Variants in CNTN5 observed in about 807,000 individuals in gnomAD.
CNTN5 encodes the protein contactin 5, also known as contactin-5.
A neutral mutation model predicts 129.1 loss-of-function variants in CNTN5; 77 were observed. That is an observed-to-expected ratio of 0.60 (90% confidence interval 0.50 to 0.72). The LOEUF (loss-of-function observed/expected upper bound fraction) is 0.72. Among genes scored for constraint, CNTN5 ranks in the 30% least tolerant of loss-of-function variants. CNTN5 has a pLI of 0.00. For missense variants in CNTN5, 1,478 were observed against 1,328.8 expected (o/e 1.11, Z -1.75); for synonymous variants, 509 against 465.6 (o/e 1.09, Z -1.20).
intron 15 of CNTN5, among the ~76,000 whole-genome samples, chr11:100,218,139 A>C (rs1949183757): frequency 6.6e-6 from 1 of 152,200 alleles, no homozygotes; most frequent in South Asian, 2.1e-4. Flanking sequence ...TCCAAGAAAA[A>C]AGTAGAAAGA....
intron 6 of CNTN5, among the ~76,000 whole-genome samples, chr11:99,862,415 A>G (rs1346428221): frequency 2.0e-5 from 3 of 152,024 alleles, no homozygotes; most frequent in African/African-American, 4.8e-5. Flanking sequence ...ATCTTCCTAT[A>G]TAACTATAAA....
intron 3 of CNTN5, among the ~76,000 whole-genome samples, chr11:99,613,141 G>T (rs546196582): frequency 3.0e-4 from 46 of 152,274 alleles, no homozygotes; most frequent in African/African-American, 1.1e-3. Flanking sequence ...GGATGATATG[G>T]TTAGGCTTTG....
intron 13 of CNTN5, among the ~76,000 whole-genome samples, chr11:100,171,634 A>G (rs905912423): frequency 6.6e-6 from 1 of 151,996 alleles, no homozygotes; most frequent in African/African-American, 2.4e-5. Context: ...TCTACAGCAT[A>G]TTTCAGTGTA....
chr11:99,527,362 A>T (rs1183735340), intron 2 of CNTN5, among the ~76,000 whole-genome samples: 3 of 152,352 alleles, frequency 2.0e-5, no homozygotes, highest in African/African-American at 7.2e-5. Flanking sequence ...TGTGATCCCT[A>T]GGTTAAATAT....
chr11:100,032,495 A>C (rs548986704), intron 9 of CNTN5, among the ~76,000 whole-genome samples: 23 of 152,106 alleles, frequency 1.5e-4, no homozygotes, highest in African/African-American at 5.5e-4. Context: ...GAATGTAATT[A>C]GCAAAAAATA....
At chr11:99,920,005 C>T (rs755000655) in intron 7 of CNTN5, among the ~76,000 whole-genome samples, 3 of 151,828 alleles carry the variant, frequency 2.0e-5, no homozygotes, top group East Asian at 1.9e-4. Flanking sequence ...TGTATGTGCA[C>T]GTCTGTGGGT....
chr11:99,681,331 A>G (rs1289813697), intron 3 of CNTN5, among the ~76,000 whole-genome samples: 5 of 130,046 alleles, frequency 3.8e-5, no homozygotes, highest in Admixed American at 7.9e-5. Context: ...ATTCTACACT[A>G]CTAAGAATTT....
intron 13 of CNTN5, among the ~76,000 whole-genome samples, chr11:100,138,353 C>T (rs1350802375): frequency 1.3e-5 from 2 of 151,688 alleles, no homozygotes; most frequent in Admixed American, 6.6e-5. Flanking sequence ...TTCTAGGTAC[C>T]GGGAACTCAG....
chr11:99,249,101 T>C (rs1033084740), intron 1 of CNTN5, among the ~76,000 whole-genome samples: 26 of 152,184 alleles, frequency 1.7e-4, no homozygotes, highest in African/African-American at 4.8e-5. Flanking sequence ...CCCATGAGCA[T>C]GGAATGTTCT....
intron 1 of CNTN5, among the ~76,000 whole-genome samples, chr11:99,226,603 A>G (rs1860698199): frequency 6.6e-6 from 1 of 152,110 alleles, no homozygotes; most frequent in African/African-American, 2.4e-5. Context: ...ATCACAATTA[A>G]ACTCCACTAT....
intron 3 of CNTN5, among the ~76,000 whole-genome samples, chr11:99,647,642 C>A (rs1462906611): frequency 2.6e-5 from 4 of 151,922 alleles, no homozygotes. Flanking sequence ...AACATTTTAG[C>A]AATATTAATT....
At chr11:99,257,780 A>C (rs1447179653) in intron 1 of CNTN5, among the ~76,000 whole-genome samples, 3 of 152,086 alleles carry the variant, frequency 2.0e-5, no homozygotes, top group Non-Finnish European at 2.9e-5. Context: ...AAATGTAAGA[A>C]AGTGGAGAAT....
intron 2 of CNTN5, among the ~76,000 whole-genome samples, chr11:99,424,942 G>T (rs1220357505): frequency 6.6e-6 from 1 of 152,190 alleles, no homozygotes. Flanking sequence ...CTCAAAGTGG[G>T]TTGCTCCTTT....
At chr11:99,671,221 C>A (rs1477664218) in intron 3 of CNTN5, among the ~76,000 whole-genome samples, 1 of 151,736 alleles carries the variant, frequency 6.6e-6, no homozygotes, top group Non-Finnish European at 1.5e-5. Context: ...AGCTGCCTTT[C>A]CTAACAAATT....
intron 8 of CNTN5, among the ~76,000 whole-genome samples, chr11:99,958,670 C>T (rs1950863800): frequency 6.6e-6 from 1 of 152,120 alleles, no homozygotes; most frequent in African/African-American, 2.4e-5. Context: ...TAAAGAAATG[C>T]AGTTTTACAG....
At chr11:99,662,755 C>G (rs1952642240) in intron 3 of CNTN5, among the ~76,000 whole-genome samples, 1 of 152,142 alleles carries the variant, frequency 6.6e-6, no homozygotes, top group Non-Finnish European at 1.5e-5. Flanking sequence ...AGTCCCAGAG[C>G]AGCAACAGCA....
chr11:100,180,120 G>A (rs963840431), intron 13 of CNTN5, among the ~76,000 whole-genome samples: 11 of 151,924 alleles, frequency 7.2e-5, no homozygotes, highest in African/African-American at 2.7e-4. Context: ...TACAATTATA[G>A]GCAATATCTC....
At chr11:100,236,835 C>T (rs192043098) in intron 16 of CNTN5, among the ~76,000 whole-genome samples, 3 of 152,236 alleles carry the variant, frequency 2.0e-5, no homozygotes, top group Admixed American at 2.0e-4. Context: ...CTGGAATGTA[C>T]AGCCTTTTAG....
intron 9 of CNTN5, among the ~76,000 whole-genome samples, chr11:100,053,990 A>G (rs541226442): frequency 1.3e-5 from 2 of 151,952 alleles, no homozygotes; most frequent in South Asian, 4.1e-4. Flanking sequence ...CAATTTACAT[A>G]AAAGTATAAA....
Sources: gnomAD v4.1 joint callset for allele counts (sites outside exome capture counted in the v4.1 genomes callset) on GRCh38, gnomAD v4.1.1 for gene constraint, MANE v1.5 for transcripts, NCBI Gene and HGNC (gene_info 2026-07-23, HGNC 2026-07-21) for gene names.